Variants in RNF149 observed in about 807,000 individuals in gnomAD.
The protein encoded by RNF149 is E3 ubiquitin-protein ligase RNF149.
A neutral mutation model predicts 39.0 loss-of-function variants in RNF149; 21 were observed. The observed-to-expected ratio is 0.54, with a 90% CI of 0.38 to 0.77. The LOEUF (loss-of-function observed/expected upper bound fraction) is 0.77, where lower values mean the gene tolerates loss of function less well. RNF149 is among the 30% of genes least tolerant of loss of function. RNF149 has a pLI of 0.00. For synonymous variants in RNF149, 209 were observed against 213.6 expected, an observed-to-expected ratio of 0.98 and a Z score of 0.19; for missense variants, 493 against 534.9, an observed-to-expected ratio of 0.92 and a Z score of 0.77.
Position 101,308,639 on chromosome 2 carries a change from G to A in RNF149, c.-51C>T, listed in dbSNP as rs760123510. On this transcript the variant is annotated 5_prime_UTR_variant, in exon 1 of 7. Transcript: ENST00000295317. ...GGAGTCAGGGTCACGCGCGAGTGCG[G>A]TGCAGTCGAAGAGCAGAGAGAAGCG... 4.9e-6 allele frequency: 7 copies of A among 1,426,084 alleles called. No individual in the cohort carries two copies. Among genetic ancestry groups the A allele is most frequent in the Admixed American group, 5.6e-5 (2 of 36,008 alleles). 88.3% of individuals were successfully genotyped at this position (1,426,084 alleles called of 1,614,324 possible).
chr2:101,302,366 A>C (rs1683486229), intron 1 of RNF149, among the ~76,000 whole-genome samples: 1 of 152,230 alleles, frequency 6.6e-6, no homozygotes. Flanking sequence ...GAATTCATCA[A>C]TATGAATGTA....
rs907956883 is a variant in RNF149 at position 101,276,968 on chromosome 2, A to C, written c.*270T>G. 5 of 1,170,336 alleles carry C rather than the reference A, an allele frequency of 4.3e-6. 1 individual carries two copies. Among genetic ancestry groups the C allele is most frequent in the Middle Eastern group, 3.8e-4 (1 of 2,626 alleles). 72.5% of individuals were successfully genotyped at this position (1,170,336 alleles called of 1,614,324 possible). A position where few individuals can be genotyped will look rare whatever the true frequency, so the allele number is the denominator to read the frequency against. ...AAACACCACCTGTCCTTTATATTAG[A>C]GTACCTGCCCCAGTTGTCTTTGTAA... On this transcript the variant is annotated 3_prime_UTR_variant, in exon 7 of 7. Transcript: ENST00000295317.
intron 1 of RNF149, 111 bp downstream of exon 1, chr2:101,308,018 G>T: frequency 6.7e-7 from 1 of 1,482,666 alleles, no homozygotes. Context: ...CCAGAGGCCT[G>T]AGAGCCGTGC....
At chr2:101,290,073 T>C (rs988834345) in intron 3 of RNF149, among the ~76,000 whole-genome samples, 2 of 150,932 alleles carry the variant, frequency 1.3e-5, no homozygotes, top group Non-Finnish European at 3.0e-5. Flanking sequence ...CCAGCTACTC[T>C]AGAGGCTGAG....
At chr2:101,278,221 G>A (rs777500037) in intron 6 of RNF149, among the ~76,000 whole-genome samples, 8 of 151,902 alleles carry the variant, frequency 5.3e-5, no homozygotes, top group Admixed American at 2.0e-4. Flanking sequence ...TCATGGTCAC[G>A]GCTCGCTGCA....
At chr2:101,298,984 T>C (rs1467080702) in intron 1 of RNF149, among the ~76,000 whole-genome samples, 2 of 152,158 alleles carry the variant, frequency 1.3e-5, no homozygotes, top group Non-Finnish European at 2.9e-5. Context: ...ACCCCGTCTC[T>C]ACTAATATTA....
chr2:101,278,568 G>GTA lies in RNF149; in HGVS notation c.1160-1289_1160-1288dup, dbSNP rs1035522897. On this transcript the variant is annotated intron_variant, in intron 6 of 6. Coordinates refer to ENST00000295317, the MANE Select transcript of RNF149 (RefSeq NM_173647.4). ...TTTACTGTTTAAATTGACAAAAACT[G>GTA]TATATATATATGGTATACAACATGA... 6.6e-5 allele frequency among the ~76,000 whole-genome samples: 10 copies of GTA among 151,856 alleles called. No homozygotes were observed. The South Asian group carries it at 1.5e-3, about 22-fold the overall frequency.
chr2:101,298,129 A>T (rs1683313368), intron 1 of RNF149, among the ~76,000 whole-genome samples: 1 of 152,196 alleles, frequency 6.6e-6, no homozygotes, highest in Non-Finnish European at 1.5e-5. Context: ...CCAATGAGGT[A>T]TCTATAAAGA....
Position 101,308,443 on chromosome 2 carries a change from G to C in RNF149, c.146C>G (p.Pro49Arg), listed in dbSNP as rs1367482690. Residue 49 changes from proline (P) to arginine (R), a missense_variant, in exon 1 of 7, where the codon CCG becomes CGG. By Grantham distance (103) the Pro-to-Arg change is moderately radical (BLOSUM62 -2). Transcript: ENST00000295317. The part of the protein sequence containing the change: ...SAVVNIEYVD[P>R]QTNLTVWSVS... Reference sequence around the variant, plus strand: ...GCTCCACACCGTCAGGTTGGTCTGCGGGTCCACGTACTCGATGTTTACCAC... The same window carrying C: ...GCTCCACACCGTCAGGTTGGTCTGCCGGTCCACGTACTCGATGTTTACCAC... 1 of 1,611,480 alleles carries C rather than the reference G, an allele frequency of 6.2e-7. No individual in the cohort carries two copies. Among genetic ancestry groups the C allele is most frequent in the African/African-American group, 1.3e-5 (1 of 74,620 alleles).
downstream of RNF149, chr2:101,271,313 A>G (rs1682122327): frequency 6.6e-6 from 1 of 152,218 alleles, no homozygotes; most frequent in Admixed American, 6.5e-5. Context: ...TACACTTGCA[A>G]CACCAACAAA....
At chr2:101,279,040 T>C (rs1221959014) in intron 6 of RNF149, among the ~76,000 whole-genome samples, 2 of 152,258 alleles carry the variant, frequency 1.3e-5, no homozygotes, top group African/African-American at 4.8e-5. Flanking sequence ...TAATGCCTGA[T>C]TTTTCTAATT....
chr2:101,302,981 TAA>T (rs58511902), intron 1 of RNF149, among the ~76,000 whole-genome samples: 81,949 of 141,502 alleles, frequency 0.58, 23,323 homozygotes, highest in African/African-American at 0.66. Context: ...CACTTGTCTC[TAA>T]AAAAAAAAAA....
At chr2:101,289,913 G>A (rs1682943736) in intron 3 of RNF149, among the ~76,000 whole-genome samples, 2 of 152,122 alleles carry the variant, frequency 1.3e-5, no homozygotes, top group African/African-American at 2.4e-5. Flanking sequence ...CAGACACGGT[G>A]GCTCATGCCT....
intron 3 of RNF149, 91 bp from the exon 4 acceptor site, chr2:101,289,146 AT>A: frequency 1.4e-6 from 1 of 734,832 alleles, no homozygotes; most frequent in Non-Finnish European, 2.4e-6. Flanking sequence ...ACAATGACGA[AT>A]TCCCTTCTAC....
chr2:101,299,699 G>GA lies in RNF149; in HGVS notation c.461-4519dup, dbSNP rs1306125951. Among the ~76,000 whole-genome samples, 4 of 152,304 alleles carry GA rather than the reference G, an allele frequency of 2.6e-5. No homozygotes were observed. In the Middle Eastern group the frequency reaches 0.01, roughly 389 times the overall value. On this transcript the variant is annotated intron_variant, in intron 1 of 6. Coordinates refer to ENST00000295317, the MANE Select transcript of RNF149 (RefSeq NM_173647.4). ...ACTAAACTATGCTATGATGACAGTT[G>GA]AATCAATTTCTGGTACTGATACCAC...
At chr2:101,306,127 T>G (rs1437637667) in intron 1 of RNF149, among the ~76,000 whole-genome samples, 2 of 152,138 alleles carry the variant, frequency 1.3e-5, no homozygotes, top group African/African-American at 2.4e-5. Flanking sequence ...GCAGGCAAGG[T>G]TGCTGACCCA....
At chr2:101,299,883 C>T (rs769889399) in intron 1 of RNF149, among the ~76,000 whole-genome samples, 17 of 152,210 alleles carry the variant, frequency 1.1e-4, no homozygotes, top group Non-Finnish European at 2.1e-4. Context: ...AGTCTGAAGA[C>T]CCAGCTCCGA....
chr2:101,296,959 A>G (rs1558790975), intron 1 of RNF149, among the ~76,000 whole-genome samples: 2 of 152,228 alleles, frequency 1.3e-5, no homozygotes, highest in Admixed American at 6.5e-5. Flanking sequence ...CTGTAATCCC[A>G]GCACTTTGGG....
chr2:101,282,155 A>G, intron 5 of RNF149, 98 bp from the exon 6 acceptor site: 1 of 1,492,186 alleles, frequency 6.7e-7, no homozygotes, highest in Non-Finnish European at 8.9e-7. Flanking sequence ...AATATTACGT[A>G]CTTCTGTACA....
Sources: gnomAD v4.1 joint callset for allele counts (sites outside exome capture counted in the v4.1 genomes callset) on GRCh38, gnomAD v4.1.1 for gene constraint, MANE v1.5 for transcripts, NCBI Gene and HGNC (gene_info 2026-07-23, HGNC 2026-07-21) for gene names.